Variants in TAFA2 observed in about 807,000 individuals in gnomAD.
TAFA2 encodes TAFA chemokine like family member 2, also known as chemokine-like protein TAFA-2.
TAFA2 carries 7 observed loss-of-function variants against 18.8 expected under a neutral mutation model. The ratio of observed to expected loss-of-function variants is 0.37; its 90% CI spans 0.21 to 0.70. The LOEUF is 0.70. TAFA2 is among the 30% of genes least tolerant of loss of function. TAFA2 has a pLI of 0.53. For missense variants in TAFA2, 122 were observed against 158.1 expected (o/e 0.77, Z 1.23); for synonymous variants, 60 against 54.2 (o/e 1.11, Z -0.47).
chr12:61,928,461 A>G (rs771722406), intron 1 of TAFA2, among the ~76,000 whole-genome samples: 1 of 152,200 alleles, frequency 6.6e-6, no homozygotes, highest in Non-Finnish European at 1.5e-5. Context: ...CAAAAACACA[A>G]TGAGATACCA....
At chr12:61,796,217 AG>A (rs1555166170) in intron 2 of TAFA2, among the ~76,000 whole-genome samples, 2 of 152,148 alleles carry the variant, frequency 1.3e-5, no homozygotes, top group Non-Finnish European at 2.9e-5. Flanking sequence ...ATTGCTAGAG[AG>A]ATGATAGATA....
chr12:61,762,844 A>G (rs1295962879), intron 2 of TAFA2, among the ~76,000 whole-genome samples: 3 of 151,890 alleles, frequency 2.0e-5, no homozygotes, highest in African/African-American at 7.3e-5. Flanking sequence ...TTGTCTCTAT[A>G]TACTCCTATT....
intron 1 of TAFA2, among the ~76,000 whole-genome samples, chr12:61,900,580 A>T (rs1876054200): frequency 6.6e-6 from 1 of 152,152 alleles, no homozygotes; most frequent in Non-Finnish European, 1.5e-5. Context: ...CAGGAAGGAG[A>T]AGTGCTGAGC....
At chr12:61,935,195 G>A (rs1162579593) in intron 1 of TAFA2, among the ~76,000 whole-genome samples, 2 of 152,128 alleles carry the variant, frequency 1.3e-5, no homozygotes, top group Non-Finnish European at 2.9e-5. Context: ...GTCTGGTTCT[G>A]ACTACATTTT....
upstream of TAFA2, among the ~76,000 whole-genome samples, chr12:62,196,151 T>C (rs1022606025): frequency 3.9e-5 from 6 of 152,236 alleles, no homozygotes; most frequent in Non-Finnish European, 7.3e-5. Context: ...CTTCTGAAGA[T>C]TTTTTACCTT....
At chr12:61,800,550 G>A (rs1448368150) in intron 2 of TAFA2, among the ~76,000 whole-genome samples, 1 of 152,140 alleles carries the variant, frequency 6.6e-6, no homozygotes, top group Non-Finnish European at 1.5e-5. Flanking sequence ...AAAGAATCAG[G>A]AAGTGATTTG....
chr12:61,955,633 ATAT>A (rs1400853738), intron 1 of TAFA2, among the ~76,000 whole-genome samples: 6 of 8,764 alleles, frequency 6.8e-4, no homozygotes, highest in East Asian at 5.3e-3. Context: ...AAAAAAAAAA[ATAT>A]ATATATATAT....
chr12:61,871,111 CG>C (rs1030874766), intron 1 of TAFA2, among the ~76,000 whole-genome samples: 4 of 151,762 alleles, frequency 2.6e-5, no homozygotes, highest in South Asian at 4.2e-4. Flanking sequence ...GAAAAAGAGT[CG>C]GGGGGGCATG....
intron 1 of TAFA2, among the ~76,000 whole-genome samples, chr12:61,898,757 C>T (rs1165748719): frequency 6.6e-6 from 1 of 152,212 alleles, no homozygotes; most frequent in African/African-American, 2.4e-5. Context: ...AGTCATGTTC[C>T]CCATTGACTT....
chr12:62,083,851 C>A (rs1255105925), intron 1 of TAFA2, among the ~76,000 whole-genome samples: 1 of 152,006 alleles, frequency 6.6e-6, no homozygotes, highest in Non-Finnish European at 1.5e-5. Context: ...GTGTTAGTAA[C>A]CTTAGCATTT....
intron 4 of TAFA2, among the ~76,000 whole-genome samples, chr12:61,752,406 G>A (rs1169300077): frequency 2.6e-5 from 4 of 151,904 alleles, no homozygotes; most frequent in Non-Finnish European, 5.9e-5. Flanking sequence ...AATAGTGCTA[G>A]GGAAAATATT....
At chr12:61,775,688 T>C (rs1391808461) in intron 2 of TAFA2, among the ~76,000 whole-genome samples, 1 of 151,850 alleles carries the variant, frequency 6.6e-6, no homozygotes, top group East Asian at 1.9e-4. Context: ...AAATAGTCTA[T>C]ACGACACTAT....
rs968916387 is a variant in TAFA2 at position 61,943,394 on chromosome 12, A to C, written c.-1-75968T>G. ...TCGAGACTAGGAAGAAACTGCATCAACTAACGAGCAAAATCACCAGCTAAC... is the reference window on the plus strand; with the variant it reads ...TCGAGACTAGGAAGAAACTGCATCACCTAACGAGCAAAATCACCAGCTAAC... On this transcript the variant is annotated intron_variant, in intron 1 of 4. Coordinates refer to ENST00000416284, the MANE Select transcript of TAFA2 (RefSeq NM_178539.5). Among the ~76,000 whole-genome samples the C allele has an allele frequency of 2.0e-5, 3 of 151,182 alleles. No homozygotes were observed. The South Asian group carries it at 6.3e-4, about 32-fold the overall frequency.
chr12:62,070,774 T>C (rs772309159), intron 1 of TAFA2, among the ~76,000 whole-genome samples: 1 of 152,222 alleles, frequency 6.6e-6, no homozygotes, highest in Non-Finnish European at 1.5e-5. Flanking sequence ...ACACTCTTTC[T>C]TATTTATTTT....
At chr12:61,736,989 TGAGACATA>T (rs1201108959) in intron 4 of TAFA2, among the ~76,000 whole-genome samples, 1 of 152,014 alleles carries the variant, frequency 6.6e-6, no homozygotes, top group African/African-American at 2.4e-5. Flanking sequence ...ATCATAAAGA[TGAGACATA>T]GAGATAGTAA....
chr12:61,899,256 G>C (rs774961861), intron 1 of TAFA2, among the ~76,000 whole-genome samples: 5 of 152,160 alleles, frequency 3.3e-5, no homozygotes, highest in Non-Finnish European at 5.9e-5. Context: ...ACTCTGTGGG[G>C]ACACAGAGTT....
At chr12:62,138,454 C>T (rs906005024) in intron 1 of TAFA2, among the ~76,000 whole-genome samples, 21 of 152,206 alleles carry the variant, frequency 1.4e-4, no homozygotes, top group African/African-American at 3.4e-4. Context: ...GTTTCATAAG[C>T]GCAGGAATTG....
At chr12:62,201,778 C>A (rs1270047560) in intron 1 of TAFA2, among the ~76,000 whole-genome samples, 1 of 152,178 alleles carries the variant, frequency 6.6e-6, no homozygotes, top group Non-Finnish European at 1.5e-5. Context: ...AGGGGTCTCT[C>A]CTTTTCAATT....
intron 1 of TAFA2, among the ~76,000 whole-genome samples, chr12:62,031,802 C>A (rs527465095): frequency 1.6e-4 from 25 of 152,232 alleles, no homozygotes; most frequent in African/African-American, 6.0e-4. Flanking sequence ...TATGTTGTAA[C>A]ATCTGAAGCA....
Sources: gnomAD v4.1 joint callset for allele counts (sites outside exome capture counted in the v4.1 genomes callset) on GRCh38, gnomAD v4.1.1 for gene constraint, MANE v1.5 for transcripts, NCBI Gene and HGNC (gene_info 2026-07-23, HGNC 2026-07-21) for gene names.